The following LRFN2 variants were observed in gnomAD, a reference collection of about 807,000 sequenced individuals.
LRFN2 encodes the protein leucine rich repeat and fibronectin type III domain containing 2.
A neutral mutation model predicts 37.3 loss-of-function variants in LRFN2; 18 were observed. The ratio of observed to expected loss-of-function variants is 0.48; its 90% CI spans 0.33 to 0.72. The LOEUF (loss-of-function observed/expected upper bound fraction) is 0.72, where lower values mean the gene tolerates loss of function less well. Among genes scored for constraint, LRFN2 ranks in the 30% least tolerant of loss-of-function variants. LRFN2 has a pLI of 0.02. For synonymous variants in LRFN2, 556 were observed against 466.6 expected (o/e 1.19, Z -2.47); for missense variants, 1,006 against 1,060.7 (o/e 0.95, Z 0.72).
chr6:40,458,394 A>G (rs1203461431), intron 1 of LRFN2, among the ~76,000 whole-genome samples: 1 of 152,238 alleles, frequency 6.6e-6, no homozygotes, highest in East Asian at 1.9e-4. Context: ...TTAAAAAAGT[A>G]CTATTTAGGA....
At chr6:40,424,150 C>G (rs1763292650) in intron 2 of LRFN2, among the ~76,000 whole-genome samples, 1 of 152,254 alleles carries the variant, frequency 6.6e-6, no homozygotes, top group South Asian at 2.1e-4. Context: ...CTCATCTTGC[C>G]CATTGATTAC....
At chr6:40,562,462 G>C (rs887216066) in intron 1 of LRFN2, among the ~76,000 whole-genome samples, 3 of 152,076 alleles carry the variant, frequency 2.0e-5, no homozygotes, top group Non-Finnish European at 4.4e-5. Flanking sequence ...GAAGAGCAAA[G>C]GGAGGGGGAG....
intron 1 of LRFN2, among the ~76,000 whole-genome samples, chr6:40,508,632 C>T (rs547750627): frequency 5.9e-5 from 9 of 152,266 alleles, no homozygotes; most frequent in South Asian, 4.2e-4. Flanking sequence ...ATTTCCTTTC[C>T]GGAAAATGCA....
intron 2 of LRFN2, among the ~76,000 whole-genome samples, chr6:40,422,944 C>T (rs1417913085): frequency 6.6e-6 from 1 of 152,204 alleles, no homozygotes; most frequent in Non-Finnish European, 1.5e-5. Flanking sequence ...GGAGCTCTCT[C>T]CAGCCACAGC....
At chr6:40,484,004 T>C (rs1430986092) in intron 1 of LRFN2, among the ~76,000 whole-genome samples, 1 of 152,174 alleles carries the variant, frequency 6.6e-6, no homozygotes, top group East Asian at 1.9e-4. Context: ...TGTCTTAGCA[T>C]ACACAGTAGG....
chr6:40,404,718 G>A (rs1267841650), intron 2 of LRFN2, among the ~76,000 whole-genome samples: 1 of 152,170 alleles, frequency 6.6e-6, no homozygotes, highest in Non-Finnish European at 1.5e-5. Flanking sequence ...AAACAGGTGG[G>A]CCAGTCCAGG....
chr6:40,584,820 T>C (rs2113802736), intron 1 of LRFN2, among the ~76,000 whole-genome samples: 1 of 152,028 alleles, frequency 6.6e-6, no homozygotes, highest in Admixed American at 6.5e-5. Flanking sequence ...TCCCTGTTTT[T>C]TTTTTTTCCT....
At chr6:40,483,317 C>G (rs1764876755) in intron 1 of LRFN2, among the ~76,000 whole-genome samples, 1 of 152,246 alleles carries the variant, frequency 6.6e-6, no homozygotes, top group African/African-American at 2.4e-5. Context: ...TTTCTTTGCC[C>G]TCCCTGCTCT....
intron 1 of LRFN2, among the ~76,000 whole-genome samples, chr6:40,467,747 G>A (rs1581728492): frequency 6.6e-6 from 1 of 152,126 alleles, no homozygotes; most frequent in East Asian, 1.9e-4. Flanking sequence ...TTCCCAATCT[G>A]ATGGAGGAGA....
chr6:40,503,534 A>G (rs1356664345), intron 1 of LRFN2, among the ~76,000 whole-genome samples: 1 of 152,200 alleles, frequency 6.6e-6, no homozygotes, highest in Non-Finnish European at 1.5e-5. Context: ...GGGGACTTTT[A>G]AGACATCCAA....
At chr6:40,524,675 T>C (rs1766195922) in intron 1 of LRFN2, among the ~76,000 whole-genome samples, 1 of 152,204 alleles carries the variant, frequency 6.6e-6, no homozygotes, top group South Asian at 2.1e-4. Flanking sequence ...TTTTTGTCTT[T>C]AAAGGAACTT....
chr6:40,472,870 C>T (rs1441802638), intron 1 of LRFN2, among the ~76,000 whole-genome samples: 2 of 152,140 alleles, frequency 1.3e-5, no homozygotes, highest in East Asian at 3.9e-4. Context: ...TGTGTTTCTC[C>T]TTGGCTTGGA....
intron 1 of LRFN2, among the ~76,000 whole-genome samples, chr6:40,536,629 G>A (rs1766453846): frequency 6.6e-6 from 1 of 152,178 alleles, no homozygotes. Flanking sequence ...GCAGCTGGAG[G>A]AACTCAGGAC....
At chr6:40,544,455 A>T (rs1024416652) in intron 1 of LRFN2, among the ~76,000 whole-genome samples, 1 of 152,240 alleles carries the variant, frequency 6.6e-6, no homozygotes, top group Non-Finnish European at 1.5e-5. Context: ...TTGAGTAAAC[A>T]GCCATGTGTG....
At chr6:40,561,971 C>T (rs773725985) in intron 1 of LRFN2, among the ~76,000 whole-genome samples, 9 of 152,154 alleles carry the variant, frequency 5.9e-5, no homozygotes, top group Non-Finnish European at 1.0e-4. Context: ...TTCAGCCCCA[C>T]GGCCCCAGTG....
chr6:40,398,289 C>T (rs1762656725), intron 2 of LRFN2, among the ~76,000 whole-genome samples: 1 of 151,910 alleles, frequency 6.6e-6, no homozygotes, highest in Non-Finnish European at 1.5e-5. Context: ...GGCAAAGTCA[C>T]CCTCCATTGA....
At chr6:40,553,914 T>A (rs1766822812) in intron 1 of LRFN2, among the ~76,000 whole-genome samples, 1 of 152,176 alleles carries the variant, frequency 6.6e-6, no homozygotes, top group Non-Finnish European at 1.5e-5. Flanking sequence ...ACACTTTGGA[T>A]AACTGATGTC....
chr6:40,563,058 C>T (rs1296751708), intron 1 of LRFN2, among the ~76,000 whole-genome samples: 1 of 152,092 alleles, frequency 6.6e-6, no homozygotes, highest in Non-Finnish European at 1.5e-5. Flanking sequence ...GTGCTGACTG[C>T]CCATTAGCTG....
chr6:40,429,952 C>T (rs759504597), intron 2 of LRFN2, among the ~76,000 whole-genome samples: 10 of 152,188 alleles, frequency 6.6e-5, no homozygotes, highest in Non-Finnish European at 8.8e-5. Flanking sequence ...ACTCAGACAC[C>T]TTCCAAATTT....
Sources: allele counts gnomAD v4.1 joint callset (sites outside exome capture counted in the v4.1 genomes callset), GRCh38; gene constraint gnomAD v4.1.1; transcripts MANE v1.5; gene names NCBI Gene and HGNC (gene_info 2026-07-23, HGNC 2026-07-21).